The following SGCD variants were observed in gnomAD, a reference collection of about 807,000 sequenced individuals.
The protein encoded by SGCD is sarcoglycan delta, also known as delta-sarcoglycan.
In SGCD, 18 loss-of-function variants were observed where a neutral mutation model predicts 36.6. That is an observed-to-expected ratio of 0.49 (90% CI 0.34 to 0.73). The LOEUF (loss-of-function observed/expected upper bound fraction) is 0.73, where lower values mean the gene tolerates loss of function less well. SGCD is among the 30% of genes least tolerant of loss of function. The pLI is 0.01. For synonymous variants in SGCD, 133 were observed against 130.6 expected, an observed-to-expected ratio of 1.02 and a Z score of -0.12; for missense variants, 387 against 346.7, an observed-to-expected ratio of 1.12 and a Z score of -0.92.
At chr5:156,124,509 G>A (rs1762122682) in intron 3 of SGCD, among the ~76,000 whole-genome samples, 1 of 152,070 alleles carries the variant, frequency 6.6e-6, no homozygotes, top group Admixed American at 6.6e-5. Flanking sequence ...TGCTGGAGCA[G>A]ACTCTAAGTT....
the SGCD span, among the ~76,000 whole-genome samples, chr5:155,833,443 G>C: frequency 6.6e-6 from 1 of 152,122 alleles, no homozygotes; most frequent in Non-Finnish European, 1.5e-5. Context: ...TGGTAGTGAT[G>C]GGCCTTCAAG....
intron 3 of SGCD, among the ~76,000 whole-genome samples, chr5:156,261,151 T>C (rs1198038726): frequency 4.6e-5 from 7 of 152,180 alleles, no homozygotes; most frequent in Admixed American, 3.9e-4. Context: ...AACAAAGTTA[T>C]ACTGGTTTTA....
intron 3 of SGCD, among the ~76,000 whole-genome samples, chr5:156,135,333 T>G (rs1181519271): frequency 6.6e-6 from 1 of 152,166 alleles, no homozygotes; most frequent in East Asian, 1.9e-4. Flanking sequence ...ATTACCTTTC[T>G]TTCTAATACA....
chr5:156,567,197 G>T (rs372641613), intron 4 of SGCD, among the ~76,000 whole-genome samples: 23 of 152,090 alleles, frequency 1.5e-4, no homozygotes, highest in East Asian at 1.4e-3. Context: ...TTCTTTAGTA[G>T]TACTCACCTA....
At chr5:156,309,141 T>G (rs1767318495) in intron 3 of SGCD, among the ~76,000 whole-genome samples, 1 of 152,190 alleles carries the variant, frequency 6.6e-6, no homozygotes. Flanking sequence ...GTTATCTCCT[T>G]GGGTTCGTTG....
the SGCD span, among the ~76,000 whole-genome samples, chr5:155,784,437 T>G: frequency 6.6e-6 from 1 of 152,040 alleles, no homozygotes; most frequent in Non-Finnish European, 1.5e-5. Context: ...TGCCATGCCG[T>G]TTTGGATTTG....
At chr5:156,339,761 G>A (rs1474888970) in intron 2 of SGCD, among the ~76,000 whole-genome samples, 3 of 151,798 alleles carry the variant, frequency 2.0e-5, no homozygotes, top group Non-Finnish European at 4.4e-5. Context: ...AAAAATATTA[G>A]GAATACAAAC....
intron 1 of SGCD, among the ~76,000 whole-genome samples, chr5:155,981,111 C>T (rs1382120650): frequency 6.6e-6 from 1 of 152,182 alleles, no homozygotes; most frequent in Non-Finnish European, 1.5e-5. Flanking sequence ...GGAAAGGCTC[C>T]AGCCCACTGA....
intron 7 of SGCD, among the ~76,000 whole-genome samples, chr5:156,725,113 A>T (rs556692356): frequency 6.6e-6 from 1 of 152,178 alleles, no homozygotes; most frequent in Non-Finnish European, 1.5e-5. Context: ...GAAATGCCCC[A>T]GTTAATTTGG....
intron 3 of SGCD, among the ~76,000 whole-genome samples, chr5:156,169,963 G>T (rs1763304354): frequency 6.6e-6 from 1 of 152,160 alleles, no homozygotes; most frequent in Non-Finnish European, 1.5e-5. Flanking sequence ...GTCTCTGGGT[G>T]TGCCCGTGGT....
Position 156,652,615 on chromosome 5 carries a change from A to G in SGCD, c.575+5079A>G, listed in dbSNP as rs182008516. ...TGATTGCTGCGGCAAAGACTTCAGT[A>G]CTGTGTTGAATAGAAGTGATAAAAG... On this transcript the variant is annotated intron_variant, in intron 7 of 8. Coordinates refer to ENST00000337851, the MANE Select transcript of SGCD (RefSeq NM_000337.6). Among the ~76,000 whole-genome samples the G allele has an allele frequency of 8.5e-5, 13 of 152,242 alleles. No individual in the cohort carries two copies. The East Asian group carries it at 2.5e-3, about 29-fold the overall frequency.
chr5:155,744,605 T>A, the SGCD span, among the ~76,000 whole-genome samples: 1 of 152,202 alleles, frequency 6.6e-6, no homozygotes, highest in African/African-American at 2.4e-5. Flanking sequence ...AAGACAGTAT[T>A]GGTAGAATAA....
chr5:156,671,785 A>G (rs1306975860), intron 7 of SGCD, among the ~76,000 whole-genome samples: 2 of 152,228 alleles, frequency 1.3e-5, no homozygotes, highest in Non-Finnish European at 2.9e-5. Flanking sequence ...ACAGTTCCAC[A>G]TGCTGTGTAA....
At position 156,767,646 on chromosome 5, in the gene SGCD, G is replaced by T. The variant is rs1757618580; in HGVS notation, c.*8256G>T. ...CTTGCACACTCTATGCAAAAATTTT[G>T]TAAGCATTTCAATAATGCTATGAAT... On this transcript the variant is annotated 3_prime_UTR_variant, in exon 9 of 9. Transcript: ENST00000337851. 1 of 152,042 alleles carries T rather than the reference G, an allele frequency of 6.6e-6. No homozygotes were observed. Among genetic ancestry groups the T allele is most frequent in the African/African-American group, 2.4e-5 (1 of 41,412 alleles). 9.4% of individuals were successfully genotyped at this position (152,042 alleles called of 1,614,324 possible).
At chr5:155,784,773 A>G in the SGCD span, among the ~76,000 whole-genome samples, 1 of 152,024 alleles carries the variant, frequency 6.6e-6, no homozygotes, top group Non-Finnish European at 1.5e-5. Context: ...ATAAATAAGG[A>G]AAAAAATGAT....
chr5:156,424,629 G>T (rs1321243464), intron 3 of SGCD, among the ~76,000 whole-genome samples: 1 of 152,032 alleles, frequency 6.6e-6, no homozygotes, highest in African/African-American at 2.4e-5. Context: ...GTTTTTATTT[G>T]CTAGGTAGTA....
In SGCD at chr5:156,621,795, G is replaced by A. The variant is rs1762260925; in HGVS notation, c.503-25669G>A. Among the ~76,000 whole-genome samples, 3 of 152,246 alleles carry A rather than the reference G, an allele frequency of 2.0e-5. 1 individual carries two copies. In the South Asian group the frequency reaches 6.2e-4, roughly 32 times the overall value. ...GGAGTAGAATGTCCAAATATAAGAG[G>A]GAAGAGATCTTTATTTTAATAGCTG... On this transcript the variant is annotated intron_variant, in intron 6 of 8. Transcript: ENST00000337851.
At chr5:155,927,381 T>C (rs898344658) in intron 1 of SGCD, among the ~76,000 whole-genome samples, 4 of 152,122 alleles carry the variant, frequency 2.6e-5, no homozygotes, top group African/African-American at 9.7e-5. Flanking sequence ...ATATCTGTAG[T>C]TGAACAAGTT....
intron 1 of SGCD, among the ~76,000 whole-genome samples, chr5:155,932,033 C>T (rs376180122): frequency 1.3e-5 from 2 of 152,298 alleles, no homozygotes; most frequent in African/African-American, 2.4e-5. Flanking sequence ...TTAATGAAGT[C>T]TCCACCCTCA....
Sources: gnomAD v4.1 joint callset for allele counts (sites outside exome capture counted in the v4.1 genomes callset) on GRCh38, gnomAD v4.1.1 for gene constraint, MANE v1.5 for transcripts, NCBI Gene and HGNC (gene_info 2026-07-23, HGNC 2026-07-21) for gene names.